The following THRB variants were observed in gnomAD, a reference collection of about 807,000 sequenced individuals.
THRB encodes thyroid hormone receptor beta.
Under a neutral mutation model 47.8 loss-of-function variants are expected in THRB, and 12 were observed. The ratio of observed to expected loss-of-function variants is 0.25; its 90% CI spans 0.16 to 0.41. The LOEUF is 0.41. Among genes scored for constraint, THRB ranks in the 10% least tolerant of loss-of-function variants. THRB has a pLI of 1.00. For missense variants in THRB, 348 were observed against 589.2 expected (o/e 0.59, Z 4.24); for synonymous variants, 218 against 212.2 (o/e 1.03, Z -0.24).
chr3:24,365,191 G>T (rs1231078099), intron 1 of THRB, among the ~76,000 whole-genome samples: 1 of 152,128 alleles, frequency 6.6e-6, no homozygotes, highest in Non-Finnish European at 1.5e-5. Flanking sequence ...TTCACCAACA[G>T]TTACTTGAAA....
chr3:24,210,728 G>A (rs1476029265), intron 4 of THRB, among the ~76,000 whole-genome samples: 1 of 152,202 alleles, frequency 6.6e-6, no homozygotes, highest in Non-Finnish European at 1.5e-5. Flanking sequence ...CAGTCAGCAT[G>A]ACTGATTCCC....
In THRB at chr3:24,133,438, T is replaced by A. The variant is rs755083959; in HGVS notation, c.763A>T (p.Ile255Leu). 3 of 1,614,140 alleles carry A rather than the reference T, an allele frequency of 1.9e-6. No homozygotes were observed. Among genetic ancestry groups the A allele is most frequent in the Non-Finnish European group, 2.5e-6 (3 of 1,180,016 alleles). ...TTTCCACCTTCTGGGGCATTGACTA[T>A]TGGTGCTTGTCCAATGTCTTCTGGC... ...FLPEDIGQAP[I>L]VNAPEGGKVD... The change falls in exon 9 of 11, where the codon ATA (isoleucine) becomes TTA (leucine). Residue 255 changes from isoleucine (I) to leucine (L), a missense_variant. By Grantham distance (5) the Ile-to-Leu change is conservative (BLOSUM62 2). This residue lies in a region of THRB where 112 missense variants were observed against 212.3 expected (regional missense o/e 0.53). Transcript: ENST00000646209.
At chr3:24,132,086 G>A (rs1360046110) in intron 9 of THRB, among the ~76,000 whole-genome samples, 1 of 152,148 alleles carries the variant, frequency 6.6e-6, no homozygotes, top group East Asian at 1.9e-4. Context: ...TTCCAGCTAG[G>A]CTCCCATTAT....
intron 1 of THRB, among the ~76,000 whole-genome samples, chr3:24,378,074 T>G (rs2065429718): frequency 6.6e-6 from 1 of 152,128 alleles, no homozygotes; most frequent in African/African-American, 2.4e-5. Context: ...AATTTTATCC[T>G]CCAGTAATTT....
chr3:24,317,356 A>T (rs2058188488), intron 2 of THRB, among the ~76,000 whole-genome samples: 2 of 152,150 alleles, frequency 1.3e-5, no homozygotes, highest in Admixed American at 6.5e-5. Context: ...GTGTTTGTTA[A>T]ATATAATGGA....
At chr3:24,329,658 T>C (rs549623299) in intron 2 of THRB, among the ~76,000 whole-genome samples, 7 of 152,238 alleles carry the variant, frequency 4.6e-5, no homozygotes, top group Non-Finnish European at 8.8e-5. Flanking sequence ...CACAGACAGA[T>C]CATCTTTATA....
chr3:24,281,454 G>A (rs1268018929), intron 3 of THRB, among the ~76,000 whole-genome samples: 2 of 151,816 alleles, frequency 1.3e-5, no homozygotes, highest in Admixed American at 6.6e-5. Context: ...ACATGGAAAG[G>A]AACTGGTACC....
intron 5 of THRB, among the ~76,000 whole-genome samples, chr3:24,181,823 G>C (rs946528694): frequency 2.6e-5 from 4 of 152,180 alleles, no homozygotes; most frequent in Non-Finnish European, 4.4e-5. Flanking sequence ...ACCCTGCCAA[G>C]AGTAAAAGGA....
At chr3:24,393,817 G>T (rs1282160849) in intron 1 of THRB, among the ~76,000 whole-genome samples, 1 of 152,104 alleles carries the variant, frequency 6.6e-6, no homozygotes, top group Non-Finnish European at 1.5e-5. Flanking sequence ...TGTAGGAGAT[G>T]GATCTGATGT....
chr3:24,169,244 T>A (rs983623854), intron 5 of THRB, among the ~76,000 whole-genome samples: 2 of 152,074 alleles, frequency 1.3e-5, no homozygotes, highest in Middle Eastern at 3.2e-3. Flanking sequence ...GCCAACGAGA[T>A]GTAATAGAAG....
At chr3:24,289,454 T>G (rs2055694327) in intron 3 of THRB, among the ~76,000 whole-genome samples, 1 of 152,222 alleles carries the variant, frequency 6.6e-6, no homozygotes, top group Non-Finnish European at 1.5e-5. Context: ...ATTCCATTTT[T>G]TTTTCTTCAG....
At chr3:24,131,435 C>T (rs781397973) in intron 9 of THRB, among the ~76,000 whole-genome samples, 5 of 152,202 alleles carry the variant, frequency 3.3e-5, no homozygotes, top group Non-Finnish European at 7.3e-5. Flanking sequence ...AAGTCAAAGT[C>T]CCTTCCTCAG....
intron 6 of THRB, 25 bp downstream of exon 6, chr3:24,152,365 G>C (rs200543861): frequency 1.5e-6 from 2 of 1,374,358 alleles, no homozygotes; most frequent in Non-Finnish European, 2.1e-6. Flanking sequence ...GCTAAGCTCT[G>C]TGCTTGTGGA....
intron 2 of THRB, among the ~76,000 whole-genome samples, chr3:24,312,428 T>C (rs1396405536): frequency 6.6e-6 from 1 of 152,188 alleles, no homozygotes; most frequent in Non-Finnish European, 1.5e-5. Context: ...ATTTATGAAG[T>C]ATATTGTCCT....
At chr3:24,250,156 T>C (rs923820039) in intron 3 of THRB, among the ~76,000 whole-genome samples, 1 of 152,232 alleles carries the variant, frequency 6.6e-6, no homozygotes, top group African/African-American at 2.4e-5. Context: ...TATATCCTCA[T>C]GTCACTTTTC....
chr3:24,367,106 G>A (rs766897110), intron 1 of THRB, among the ~76,000 whole-genome samples: 7 of 152,188 alleles, frequency 4.6e-5, no homozygotes, highest in Non-Finnish European at 8.8e-5. Flanking sequence ...GGCAGGGACT[G>A]ATCTGGTATA....
At chr3:24,160,886 C>T (rs917425181) in intron 5 of THRB, among the ~76,000 whole-genome samples, 8 of 152,202 alleles carry the variant, frequency 5.3e-5, no homozygotes, top group Non-Finnish European at 1.0e-4. Flanking sequence ...GCCTGCCAGG[C>T]GTCTGAATCC....
intron 1 of THRB, among the ~76,000 whole-genome samples, chr3:24,441,865 C>A (rs1329750806): frequency 6.6e-6 from 1 of 152,058 alleles, no homozygotes; most frequent in African/African-American, 2.4e-5. Context: ...GACTTGAGCC[C>A]CTTCCCTGTA....
At chr3:24,135,040 A>G (rs11717180) in intron 8 of THRB, among the ~76,000 whole-genome samples, 6,859 of 152,222 alleles carry the variant, frequency 0.045, 218 homozygotes, top group Non-Finnish European at 0.067. Context: ...TTGATTCAGC[A>G]GGTCAGGGAT....
Sources: gnomAD v4.1 joint callset for allele counts (sites outside exome capture counted in the v4.1 genomes callset) on GRCh38, gnomAD v4.1.1 for gene constraint, gnomAD v4.1.1 regional missense constraint, MANE v1.5 for transcripts, NCBI Gene and HGNC (gene_info 2026-07-23, HGNC 2026-07-21) for gene names.